Variants in RXFP1 observed in about 807,000 individuals in gnomAD.
RXFP1 encodes relaxin receptor 1.
In RXFP1, 73 loss-of-function variants were observed where a neutral mutation model predicts 89.8. That is an observed-to-expected ratio of 0.81 (90% confidence interval 0.67 to 0.99). The LOEUF (loss-of-function observed/expected upper bound fraction) is 0.99. RXFP1 is among the 50% of genes least tolerant of loss of function. The pLI, the probability that RXFP1 is intolerant of heterozygous loss-of-function variation, is 0.00. For synonymous variants in RXFP1, 277 were observed against 305.5 expected, an observed-to-expected ratio of 0.91 and a Z score of 0.97; for missense variants, 793 against 895.5, an observed-to-expected ratio of 0.89 and a Z score of 1.46.
At chr4:158,604,754 C>G (rs1762271371) in intron 4 of RXFP1, among the ~76,000 whole-genome samples, 1 of 151,990 alleles carries the variant, frequency 6.6e-6, no homozygotes. Flanking sequence ...AACTGAGATG[C>G]CTTCTAATGT....
intron 17 of RXFP1, among the ~76,000 whole-genome samples, chr4:158,649,224 A>T (rs1344849078): frequency 2.0e-5 from 3 of 152,264 alleles, no homozygotes; most frequent in African/African-American, 7.2e-5. Context: ...CAATACAATT[A>T]CTATGGAACA....
At chr4:158,634,817 C>T (rs759013486) in intron 12 of RXFP1, among the ~76,000 whole-genome samples, 3 of 152,060 alleles carry the variant, frequency 2.0e-5, no homozygotes, top group Non-Finnish European at 4.4e-5. Flanking sequence ...TCCTTGGCAC[C>T]CTTGTTGAAA....
chr4:158,649,670 T>A (rs568849917), intron 17 of RXFP1, among the ~76,000 whole-genome samples: 1 of 151,598 alleles, frequency 6.6e-6, no homozygotes, highest in African/African-American at 2.4e-5. Flanking sequence ...TTAGGATGAC[T>A]ACTATTTTAA....
At chr4:158,600,255 C>T (rs1230912408) in intron 4 of RXFP1, among the ~76,000 whole-genome samples, 4 of 152,030 alleles carry the variant, frequency 2.6e-5, no homozygotes, top group East Asian at 3.9e-4. Context: ...CAAGTGTTAC[C>T]GTTTTCAAAC....
intron 11 of RXFP1, among the ~76,000 whole-genome samples, chr4:158,631,235 C>T (rs992219924): frequency 6.6e-6 from 1 of 152,212 alleles, no homozygotes; most frequent in Non-Finnish European, 1.5e-5. Flanking sequence ...TATCCCAGTG[C>T]ACCATTTTAA....
At chr4:158,581,118 C>A (rs970063634) in intron 2 of RXFP1, among the ~76,000 whole-genome samples, 1 of 152,180 alleles carries the variant, frequency 6.6e-6, no homozygotes, top group Non-Finnish European at 1.5e-5. Context: ...ACACTATATT[C>A]TAACCCTCCT....
intron 1 of RXFP1, among the ~76,000 whole-genome samples, chr4:158,568,888 A>G (rs1366700199): frequency 6.6e-6 from 1 of 152,190 alleles, no homozygotes; most frequent in Admixed American, 6.5e-5. Context: ...CCCCAAATAC[A>G]TTTTTACATA....
chr4:158,558,594 T>C (rs1207824481), intron 1 of RXFP1, among the ~76,000 whole-genome samples: 2 of 152,186 alleles, frequency 1.3e-5, no homozygotes, highest in Non-Finnish European at 2.9e-5. Flanking sequence ...ACAAAAGATA[T>C]ATAGTCTTAA....
In RXFP1 at chr4:158,612,165, C is replaced by T. The variant is rs779333247; in HGVS notation, c.572C>T (p.Pro191Leu). ...LSHNRITFLK[P>L]GVFEDLHRLE... ...CATAACAGAATAACCTTCCTGAAGC[C>T]GGGTGTTTTTGAAGATCTTCACAGA... Residue 191 changes from proline to leucine, a missense_variant, in exon 7 of 18, where the codon CCG (proline) becomes CTG (leucine). Transcript: ENST00000307765. The T allele has an allele frequency of 2.9e-5, 46 of 1,610,810 alleles. No individual in the cohort carries two copies. Among genetic ancestry groups the T allele is most frequent in the Middle Eastern group, 1.7e-4 (1 of 6,056 alleles).
chr4:158,644,203 C>T (rs184864019), intron 14 of RXFP1, among the ~76,000 whole-genome samples: 1,785 of 151,872 alleles, frequency 0.012, 9 homozygotes, highest in Non-Finnish European at 0.019. Flanking sequence ...CCCGCCACCA[C>T]GCCTGGCTAA....
At chr4:158,581,083 C>T (rs1757264127) in intron 2 of RXFP1, among the ~76,000 whole-genome samples, 1 of 152,212 alleles carries the variant, frequency 6.6e-6, no homozygotes, top group Non-Finnish European at 1.5e-5. Context: ...AGCCACCATA[C>T]CCAGCCTGTG....
chr4:158,545,506 A>G (rs1379726312), intron 1 of RXFP1, among the ~76,000 whole-genome samples: 1 of 152,094 alleles, frequency 6.6e-6, no homozygotes, highest in Non-Finnish European at 1.5e-5. Flanking sequence ...TTGGTGTTTT[A>G]GACATGAAGT....
intron 11 of RXFP1, among the ~76,000 whole-genome samples, chr4:158,630,583 A>G (rs1265003790): frequency 2.0e-5 from 3 of 152,208 alleles, no homozygotes; most frequent in African/African-American, 7.2e-5. Context: ...ACATGAACTC[A>G]AAGGGCTTAG....
intron 4 of RXFP1, among the ~76,000 whole-genome samples, chr4:158,600,631 A>G (rs1761502215): frequency 6.6e-6 from 1 of 152,084 alleles, no homozygotes; most frequent in African/African-American, 2.4e-5. Flanking sequence ...ATTTATGAAT[A>G]GTCTGGGCAA....
chr4:158,594,779 T>G, intron 3 of RXFP1, among the ~76,000 whole-genome samples: 1 of 152,152 alleles, frequency 6.6e-6, no homozygotes, highest in East Asian at 1.9e-4. Flanking sequence ...TTTTAGTTTT[T>G]TAGCTAACAA....
At chr4:158,563,496 GCACACACACACACACA>G (rs145181248) in intron 1 of RXFP1, among the ~76,000 whole-genome samples, 2 of 142,502 alleles carry the variant, frequency 1.4e-5, no homozygotes, top group South Asian at 2.3e-4. Flanking sequence ...AGAATTCAAT[GCACACACACACACACA>G]CACACACACA....
chr4:158,578,519 A>G (rs1756699028), intron 2 of RXFP1, among the ~76,000 whole-genome samples: 1 of 152,252 alleles, frequency 6.6e-6, no homozygotes, highest in Non-Finnish European at 1.5e-5. Context: ...CAGTAGTAAA[A>G]ATGTTAAAGG....
At chr4:158,605,699 C>A (rs1253354334) in intron 5 of RXFP1, among the ~76,000 whole-genome samples, 2 of 152,136 alleles carry the variant, frequency 1.3e-5, no homozygotes, top group South Asian at 4.1e-4. Flanking sequence ...CTTCAGAACT[C>A]TCAAAATCCA....
At chr4:158,632,606 C>T (rs1274305891) in intron 11 of RXFP1, among the ~76,000 whole-genome samples, 1 of 152,072 alleles carries the variant, frequency 6.6e-6, no homozygotes, top group African/African-American at 2.4e-5. Flanking sequence ...GACTAAGGTA[C>T]GAGGTCATAC....
Sources: gnomAD v4.1 joint callset for allele counts (sites outside exome capture counted in the v4.1 genomes callset) on GRCh38, gnomAD v4.1.1 for gene constraint, MANE v1.5 for transcripts, NCBI Gene and HGNC (gene_info 2026-07-23, HGNC 2026-07-21) for gene names.